The following ABCC2 variants were observed in gnomAD, a reference collection of about 807,000 sequenced individuals.
The protein encoded by ABCC2 is ATP-binding cassette sub-family C member 2.
A neutral mutation model predicts 173.4 loss-of-function variants in ABCC2; 157 were observed. The observed-to-expected ratio is 0.91, with a 90% CI of 0.80 to 1.03. ABCC2 has a LOEUF of 1.03. Among genes scored for constraint, ABCC2 ranks in the 50% least tolerant of loss-of-function variants. The probability of loss-of-function intolerance (pLI) is 0.00; values close to 1 mark genes in which losing one functional copy is unlikely to be tolerated. For synonymous variants in ABCC2, 657 were observed against 693.5 expected, an observed-to-expected ratio of 0.95 and a Z score of 0.83; for missense variants, 1,822 against 1,852.3, an observed-to-expected ratio of 0.98 and a Z score of 0.30.
At chr10:99,850,120 A>G (rs1472771587) in intron 30 of ABCC2, among the ~76,000 whole-genome samples, 2 of 152,256 alleles carry the variant, frequency 1.3e-5, no homozygotes, top group Admixed American at 6.5e-5. Flanking sequence ...CTAAGGCCAC[A>G]AAGAAATGCC....
At chr10:99,828,139 C>T (rs751983777) in intron 19 of ABCC2, among the ~76,000 whole-genome samples, 1 of 150,894 alleles carries the variant, frequency 6.6e-6, no homozygotes, top group Admixed American at 6.6e-5. Context: ...TTCTGATTAG[C>T]CTGGATCTGA....
At position 99,814,648 on chromosome 10, in the gene ABCC2, TAC is replaced by T. The variant is rs764007755; in HGVS notation, c.2094+1512_2094+1513del. Among the ~76,000 whole-genome samples, 499 of 85,284 alleles carry T rather than the reference TAC, an allele frequency of 5.9e-3. 16 individuals are homozygous for T. Among genetic ancestry groups the T allele is most frequent in the East Asian group, 0.026 (50 of 1,948 alleles). 55.9% of individuals were successfully genotyped at this position (85,284 alleles called of 152,430 possible). A position where few individuals can be genotyped will look rare whatever the true frequency, so the allele number is the denominator to read the frequency against. On this transcript the variant is annotated intron_variant, in intron 16 of 31. Coordinates refer to ENST00000647814, the MANE Select transcript of ABCC2 (RefSeq NM_000392.5). ...ACACACATATGTGTATATACACATATACACACACATATGTGTATATACACATA... is the reference window on the plus strand; with the variant it reads ...ACACACATATGTGTATATACACATATACACACATATGTGTATATACACATA...
At chr10:99,787,860 C>T (rs188040489) in intron 2 of ABCC2, among the ~76,000 whole-genome samples, 1,818 of 152,076 alleles carry the variant, frequency 0.012, 21 homozygotes, top group South Asian at 0.034. Flanking sequence ...CCCAGCATTT[C>T]GAGACCAGCC....
Position 99,830,382 on chromosome 10 carries a change from C to G in ABCC2, c.2696C>G (p.Ala899Gly). 6.2e-7 allele frequency: 1 copy of G among 1,614,174 alleles called. No homozygotes were observed. The highest frequency in any genetic ancestry group is 8.5e-7 in the Non-Finnish European group (1 of 1,180,014). Residue 899 changes from alanine to glycine, a missense_variant, in exon 20 of 32, where the codon GCC (alanine) becomes GGC (glycine). Transcript: ENST00000647814. ...SSVEEIPEDA[A>G]SITMRRENSF... ...GTGGAAGAGATCCCCGAAGATGCAG[C>G]CTCCATAACCATGAGAAGAGAGAAC...
chr10:99,841,820 G>A lies in ABCC2; in HGVS notation c.3615-147G>A. 3 of 971,834 alleles carry A rather than the reference G, an allele frequency of 3.1e-6. No individual in the cohort carries two copies. In the South Asian group the frequency reaches 4.2e-5, roughly 13 times the overall value. 60.2% of individuals were successfully genotyped at this position (971,834 alleles called of 1,614,324 possible). ...TATCAATAGGCTTTTAGGAATACATGGTGTTTCTAAGTCAAATTGAGGCAT... is the reference window on the plus strand; with the variant it reads ...TATCAATAGGCTTTTAGGAATACATAGTGTTTCTAAGTCAAATTGAGGCAT... On this transcript the variant is annotated intron_variant, in intron 25 of 31. Coordinates refer to ENST00000647814, the MANE Select transcript of ABCC2 (RefSeq NM_000392.5).
intron 24 of ABCC2, among the ~76,000 whole-genome samples, chr10:99,835,325 A>G (rs2038803662): frequency 2.6e-5 from 4 of 152,238 alleles, no homozygotes; most frequent in Non-Finnish European, 5.9e-5. Flanking sequence ...TTAACTATTA[A>G]TAACAAGCCA....
At chr10:99,840,508 AT>A (rs1333048571) in intron 25 of ABCC2, among the ~76,000 whole-genome samples, 2 of 88,790 alleles carry the variant, frequency 2.3e-5, no homozygotes, top group Non-Finnish European at 6.2e-5. Context: ...TTTTCCTTTT[AT>A]TTTATTTTAT....
At chr10:99,814,317 A>G (rs1197786257) in intron 16 of ABCC2, among the ~76,000 whole-genome samples, 1 of 143,918 alleles carries the variant, frequency 6.9e-6, no homozygotes, top group African/African-American at 2.6e-5. Context: ...ATGTATATAC[A>G]CACGTATGTA....
Position 99,844,335 on chromosome 10 carries a change from C to G in ABCC2, c.3857C>G (p.Thr1286Ser). ...TCTCCTTGCCAGGCACCCTGGGTGA[C>G]TGATAAGAGGCCTCCGCCAGATTGG... is the stretch of plus-strand genomic sequence containing the variant. Reference protein sequence around the residue: ...TKVENEAPWVTDKRPPPDWPS... With the variant: ...TKVENEAPWVSDKRPPPDWPS... The change falls in exon 28 of 32, where the codon ACT becomes AGT. Residue 1286 changes from threonine (T) to serine (S), a missense_variant. Physicochemically the swap from Thr to Ser is moderately conservative, Grantham distance 58. Coordinates refer to ENST00000647814, the MANE Select transcript of ABCC2 (RefSeq NM_000392.5). 1 of 1,614,198 alleles carries G rather than the reference C, an allele frequency of 6.2e-7. No individual in the cohort carries two copies. Among genetic ancestry groups the G allele is most frequent in the Non-Finnish European group, 8.5e-7 (1 of 1,180,042 alleles).
intron 28 of ABCC2, among the ~76,000 whole-genome samples, chr10:99,845,200 T>G (rs1025412771): frequency 1.3e-5 from 2 of 151,984 alleles, no homozygotes; most frequent in African/African-American, 4.8e-5. Context: ...TGGCTAATTT[T>G]TTTTGTATTT....
At position 99,852,091 on chromosome 10, in the gene ABCC2, A is replaced by C. The variant is rs1660765810; in HGVS notation, c.*460A>C. 5.9e-6 allele frequency: 1 copy of C among 170,040 alleles called. No homozygotes were observed. The highest frequency in any genetic ancestry group is 2.4e-5 in the African/African-American group (1 of 41,564). 10.5% of individuals were successfully genotyped at this position (170,040 alleles called of 1,614,324 possible). On this transcript the variant is annotated 3_prime_UTR_variant, in exon 32 of 32. Transcript: ENST00000647814. The stretch of plus-strand genomic sequence containing the variant: ...GCATTATTTTTTTTCACTGCTCTGT[A>C]GTCTGGCATTGTATGAATACAGCAC...
intron 22 of ABCC2, 36 bp downstream of exon 22, chr10:99,831,866 T>C (rs1480355169): frequency 1.2e-6 from 2 of 1,612,032 alleles, no homozygotes; most frequent in African/African-American, 1.3e-5. Flanking sequence ...ACAGAATCTG[T>C]CTGGACCCTG....
chr10:99,821,677 A>G (rs1381631266), intron 19 of ABCC2, among the ~76,000 whole-genome samples: 2 of 152,326 alleles, frequency 1.3e-5, no homozygotes, highest in Admixed American at 1.3e-4. Context: ...GGTTGGGGGT[A>G]AGGTCACAGA....
Position 99,841,940 on chromosome 10 carries a change from G to T in ABCC2, c.3615-27G>T, listed in dbSNP as rs564087735. On this transcript the variant is annotated intron_variant, in intron 25 of 31. Transcript: ENST00000647814. ...AAGATGAGGACGTGATCAGTGACAC[G>T]CACTCTCTGGTTCTGTTGCCCCACA... 5 of 1,613,978 alleles carry T rather than the reference G, an allele frequency of 3.1e-6. No homozygotes were observed. In the South Asian group the frequency reaches 4.4e-5, roughly 14 times the overall value.
chr10:99,784,183 C>T (rs1046655140), intron 1 of ABCC2, among the ~76,000 whole-genome samples: 1 of 152,080 alleles, frequency 6.6e-6, no homozygotes, highest in African/African-American at 2.4e-5. Context: ...TAAGCATTCT[C>T]CCTGCATGGC....
intron 7 of ABCC2, 93 bp downstream of exon 7, chr10:99,797,424 G>A: frequency 8.9e-7 from 1 of 1,128,190 alleles, no homozygotes; most frequent in Non-Finnish European, 1.3e-6. Context: ...CATTTTTATA[G>A]CACTTCATAC....
rs780026074 is a variant in ABCC2, at chr10:99,850,742, A to G, written c.4454A>G (p.His1485Arg). Residue 1485 changes from histidine (H) to arginine (R), a missense_variant, in exon 31 of 32, where the codon CAC becomes CGC. Physicochemically the swap from His to Arg is conservative, Grantham distance 29. Coordinates refer to ENST00000647814, the MANE Select transcript of ABCC2 (RefSeq NM_000392.5). ...IQTTIQNEFAHCTVITIAHRL... is the reference protein window; with the variant it reads ...IQTTIQNEFARCTVITIAHRL... ...ACGACCATCCAAAACGAGTTCGCCC[A>G]CTGCACAGTGATCACCATCGCCCAC... 64 of 1,614,112 alleles carry G rather than the reference A, an allele frequency of 4.0e-5. No individual in the cohort carries two copies. The highest frequency in any genetic ancestry group is 4.8e-5 in the Non-Finnish European group (57 of 1,180,054).
chr10:99,803,221 G>A (rs757938187), intron 9 of ABCC2, among the ~76,000 whole-genome samples: 8 of 152,158 alleles, frequency 5.3e-5, no homozygotes, highest in Admixed American at 1.3e-4. Context: ...TGCCTGCCTC[G>A]TCCTTCCAAA....
chr10:99,792,988 C>T (rs867273710), intron 3 of ABCC2, among the ~76,000 whole-genome samples: 6 of 152,098 alleles, frequency 3.9e-5, no homozygotes, highest in East Asian at 1.9e-4. Flanking sequence ...ACCATGTGCT[C>T]GGCACAATCC....
Sources: allele counts gnomAD v4.1 joint callset (sites outside exome capture counted in the v4.1 genomes callset), GRCh38; gene constraint gnomAD v4.1.1; transcripts MANE v1.5; gene names NCBI Gene and HGNC (gene_info 2026-07-23, HGNC 2026-07-21).